The following CNKSR3 variants were observed in gnomAD, a reference collection of about 807,000 sequenced individuals.
CNKSR3 encodes connector enhancer of kinase suppressor of ras 3.
CNKSR3 carries 36 observed loss-of-function variants against 67.7 expected under a neutral mutation model. That is an observed-to-expected ratio of 0.53 (90% CI 0.41 to 0.70). The LOEUF is 0.70. Ranked by LOEUF, CNKSR3 falls within the 30% of genes least tolerant of loss-of-function variation. The pLI, the probability that CNKSR3 is intolerant of heterozygous loss-of-function variation, is 0.00. For synonymous variants in CNKSR3, 281 were observed against 271.4 expected, an observed-to-expected ratio of 1.04 and a Z score of -0.35; for missense variants, 630 against 695.2, an observed-to-expected ratio of 0.91 and a Z score of 1.05.
At chr6:154,495,385 G>C (rs1274269865) in intron 1 of CNKSR3, among the ~76,000 whole-genome samples, 1 of 142,894 alleles carries the variant, frequency 7.0e-6, no homozygotes, top group African/African-American at 2.6e-5. Context: ...TTAAGAGAGA[G>C]ATAGCTTTTG....
Position 154,397,756 on chromosome 6 carries a change from G to C in CNKSR3, c.*8598C>G, listed in dbSNP as rs1784675823. The C allele has an allele frequency of 6.6e-6, 1 of 151,654 alleles. No individual in the cohort carries two copies. Among genetic ancestry groups the C allele is most frequent in the Admixed American group, 6.6e-5 (1 of 15,224 alleles). The allele number at this position is 151,654 out of a possible 1,614,324, so 9.4% of individuals were successfully genotyped here. ...CCATCACTAGGTGCACAGTGCAGTG[G>C]GGGTGTGTGAGATGCACAGGGCAGA... On this transcript the variant is annotated 3_prime_UTR_variant, in exon 13 of 13. Coordinates refer to ENST00000607772, the MANE Select transcript of CNKSR3 (RefSeq NM_173515.4).
chr6:154,434,471 A>AT (rs1406474367), intron 4 of CNKSR3, among the ~76,000 whole-genome samples: 2 of 152,210 alleles, frequency 1.3e-5, no homozygotes, highest in Non-Finnish European at 2.9e-5. Context: ...TCAGGTGAAG[A>AT]TTTTTCACGT....
intron 2 of CNKSR3, among the ~76,000 whole-genome samples, chr6:154,448,688 C>G (rs1347466625): frequency 6.6e-6 from 1 of 152,164 alleles, no homozygotes; most frequent in Non-Finnish European, 1.5e-5. Flanking sequence ...CAGGCGGCAG[C>G]TCATTTATCA....
At position 154,492,745 on chromosome 6, in the gene CNKSR3, CA is replaced by C. The variant is rs71268487; in HGVS notation, c.52+17317del. Among the ~76,000 whole-genome samples, 662 of 113,764 alleles carry C rather than the reference CA, an allele frequency of 5.8e-3. 7 individuals carry two copies. Among genetic ancestry groups the C allele is most frequent in the African/African-American group, 0.019 (615 of 32,374 alleles). The allele number at this position is 113,764 out of a possible 152,430, so 74.6% of individuals were successfully genotyped here. ...TGGGTGACAGAGTGGGACTCTGTCT[CA>C]AAAAAAAAAAAACAAAAAACAAAAA... is the stretch of plus-strand genomic sequence containing the variant. On this transcript the variant is annotated intron_variant, in intron 1 of 12. Coordinates refer to ENST00000607772, the MANE Select transcript of CNKSR3 (RefSeq NM_173515.4).
chr6:154,414,494 C>A, intron 9 of CNKSR3, 71 bp from the exon 10 acceptor site: 1 of 1,523,136 alleles, frequency 6.6e-7, no homozygotes, highest in Non-Finnish European at 8.9e-7. Flanking sequence ...TGTTTATTTC[C>A]CCTCCCCCAA....
chr6:154,462,317 A>C (rs556964633), intron 1 of CNKSR3, among the ~76,000 whole-genome samples: 2 of 147,118 alleles, frequency 1.4e-5, no homozygotes, highest in South Asian at 4.4e-4. Flanking sequence ...CTGACCCTCA[A>C]CCCTAAGCAA....
intron 2 of CNKSR3, among the ~76,000 whole-genome samples, chr6:154,448,944 G>A (rs1228032730): frequency 6.6e-6 from 1 of 152,148 alleles, no homozygotes; most frequent in Non-Finnish European, 1.5e-5. Flanking sequence ...GAATGCTGTC[G>A]AGTTTGTCCA....
At chr6:154,443,726 GCTC>G (rs1293064586) in intron 2 of CNKSR3, among the ~76,000 whole-genome samples, 2 of 152,112 alleles carry the variant, frequency 1.3e-5, no homozygotes, top group Non-Finnish European at 2.9e-5. Context: ...TGAAGATATG[GCTC>G]CTGTTTGTAC....
chr6:154,457,197 T>C (rs1372366908), intron 1 of CNKSR3, among the ~76,000 whole-genome samples: 1 of 152,130 alleles, frequency 6.6e-6, no homozygotes, highest in Non-Finnish European at 1.5e-5. Flanking sequence ...GTATGATTAA[T>C]GGAGGGAGCA....
At chr6:154,509,582 C>T (rs1035091908) in intron 1 of CNKSR3, among the ~76,000 whole-genome samples, 8 of 152,186 alleles carry the variant, frequency 5.3e-5, no homozygotes, top group Non-Finnish European at 1.0e-4. Context: ...GCGGACCCGC[C>T]GGAGTCTCCC....
At chr6:154,444,470 C>T (rs183689962) in intron 2 of CNKSR3, among the ~76,000 whole-genome samples, 1 of 152,204 alleles carries the variant, frequency 6.6e-6, no homozygotes, top group East Asian at 1.9e-4. Flanking sequence ...CAAAAAAGCG[C>T]CACATGATAA....
At chr6:154,505,496 A>T (rs947507804) in intron 1 of CNKSR3, among the ~76,000 whole-genome samples, 6 of 138,848 alleles carry the variant, frequency 4.3e-5, no homozygotes, top group African/African-American at 1.4e-4. Flanking sequence ...TATTATTATT[A>T]TTTTTTTTTT....
At chr6:154,465,634 T>A (rs1786182083) in intron 1 of CNKSR3, among the ~76,000 whole-genome samples, 1 of 152,210 alleles carries the variant, frequency 6.6e-6, no homozygotes. Flanking sequence ...CGTTCACAGA[T>A]GTCTCTTTAG....
At position 154,411,156 on chromosome 6, in the gene CNKSR3, T is replaced by C. The variant is rs530574301; in HGVS notation, c.1071-14A>G. On this transcript the variant is annotated splice_polypyrimidine_tract_variant and intron_variant, in intron 10 of 12. Coordinates refer to ENST00000607772, the MANE Select transcript of CNKSR3 (RefSeq NM_173515.4). The stretch of plus-strand genomic sequence containing the variant: ...CCATTCTCATCCCTGGAAGATAATA[T>C]GGACAATAATTAAGTTGTTTACAAA... 1.3e-6 allele frequency: 2 copies of C among 1,573,314 alleles called. No homozygotes were observed. Among genetic ancestry groups the C allele is most frequent in the South Asian group, 2.2e-5 (2 of 89,634 alleles).
At chr6:154,473,225 A>G (rs1344132573) in intron 1 of CNKSR3, among the ~76,000 whole-genome samples, 2 of 152,218 alleles carry the variant, frequency 1.3e-5, no homozygotes, top group East Asian at 1.9e-4. Flanking sequence ...AGTGCCAGAG[A>G]GCACACACAC....
intron 12 of CNKSR3, 111 bp from the exon 13 acceptor site, chr6:154,406,763 A>T: frequency 9.1e-6 from 8 of 877,820 alleles, no homozygotes; most frequent in South Asian, 3.5e-5. Context: ...AGGTCAAGAG[A>T]TCTAGACCAT....
intron 1 of CNKSR3, among the ~76,000 whole-genome samples, chr6:154,493,716 T>C (rs1306465168): frequency 6.6e-6 from 1 of 152,108 alleles, no homozygotes; most frequent in Non-Finnish European, 1.5e-5. Flanking sequence ...CTGACAATCA[T>C]GTCGGAAGGC....
At chr6:154,441,483 TTTTTG>T (rs57940807) in intron 3 of CNKSR3, 104 bp from the exon 4 acceptor site, 31 of 826,904 alleles carry the variant, frequency 3.7e-5, no homozygotes, top group Non-Finnish European at 5.0e-5. Context: ...TCTAAATTCC[TTTTTG>T]TTTTGTTTTG....
At chr6:154,431,845 C>A (rs1302859663) in intron 5 of CNKSR3, among the ~76,000 whole-genome samples, 1 of 152,020 alleles carries the variant, frequency 6.6e-6, no homozygotes, top group Non-Finnish European at 1.5e-5. Flanking sequence ...TAGCTTATTT[C>A]TTTTTTATTG....
Sources: gnomAD v4.1 joint callset for allele counts (sites outside exome capture counted in the v4.1 genomes callset) on GRCh38, gnomAD v4.1.1 for gene constraint, MANE v1.5 for transcripts, NCBI Gene and HGNC (gene_info 2026-07-23, HGNC 2026-07-21) for gene names.